Variants in PARN observed in about 807,000 individuals in gnomAD.
The protein encoded by PARN is poly(A)-specific ribonuclease PARN.
A neutral mutation model predicts 102.8 loss-of-function variants in PARN; 71 were observed. That is an observed-to-expected ratio of 0.69 (90% CI 0.57 to 0.84). The LOEUF is 0.84. Ranked by LOEUF, PARN falls within the 40% of genes least tolerant of loss-of-function variation. The pLI, the probability that PARN is intolerant of heterozygous loss-of-function variation, is 0.00. For synonymous variants in PARN, 261 were observed against 252.9 expected (o/e 1.03, Z -0.30); for missense variants, 782 against 760.9 (o/e 1.03, Z -0.33).
chr16:14,558,592 A>C (rs1413090388), intron 18 of PARN: 1 of 152,206 alleles, frequency 6.6e-6, no homozygotes, highest in Non-Finnish European at 1.5e-5. Flanking sequence ...TATACCATCA[A>C]ATATGCCAAT....
At chr16:14,445,465 T>A (rs972915709) in intron 23 of PARN, among the ~76,000 whole-genome samples, 2 of 152,232 alleles carry the variant, frequency 1.3e-5, no homozygotes, top group Non-Finnish European at 2.9e-5. Context: ...CTGCTAACCG[T>A]GACAACTGTC....
At chr16:14,623,720 C>G (rs1972464817) in intron 5 of PARN, among the ~76,000 whole-genome samples, 1 of 151,202 alleles carries the variant, frequency 6.6e-6, no homozygotes, top group African/African-American at 2.4e-5. Flanking sequence ...GCCTGTAGTC[C>G]CAGATACTCA....
chr16:14,614,501 C>G (rs1262764320), intron 6 of PARN, among the ~76,000 whole-genome samples: 1 of 152,114 alleles, frequency 6.6e-6, no homozygotes, highest in African/African-American at 2.4e-5. Context: ...CTACAGGAGT[C>G]AGCACAGAGG....
intron 22 of PARN, among the ~76,000 whole-genome samples, chr16:14,478,649 G>A (rs1007815596): frequency 4.6e-5 from 7 of 152,118 alleles, no homozygotes; most frequent in Admixed American, 3.9e-4. Flanking sequence ...TGGAAAAGAT[G>A]TAAAACTTGT....
chr16:14,484,825 A>C (rs1322688886), intron 21 of PARN, among the ~76,000 whole-genome samples: 1 of 151,680 alleles, frequency 6.6e-6, no homozygotes, highest in Non-Finnish European at 1.5e-5. Context: ...ACAGGAAAAA[A>C]CTCTACTTCT....
At chr16:14,555,551 T>C (rs773915037) in intron 19 of PARN, 103 bp downstream of exon 19, 4 of 529,276 alleles carry the variant, frequency 7.6e-6, no homozygotes, top group Admixed American at 3.8e-5. Context: ...ACAGCCCAAT[T>C]TTGAGTGAAA....
chr16:14,582,497 A>G (rs1053160587), intron 16 of PARN, among the ~76,000 whole-genome samples: 1 of 152,104 alleles, frequency 6.6e-6, no homozygotes, highest in Non-Finnish European at 1.5e-5. Context: ...AGGATACAGA[A>G]ATGCCTCAGT....
intron 21 of PARN, among the ~76,000 whole-genome samples, chr16:14,500,070 T>C (rs1166626503): frequency 1.3e-5 from 2 of 152,128 alleles, no homozygotes; most frequent in Non-Finnish European, 2.9e-5. Context: ...TCATTCTTTG[T>C]TTTTTGAGAC....
intron 5 of PARN, 51 bp from the exon 6 acceptor site, chr16:14,617,701 T>C (rs370084421): frequency 1.4e-5 from 15 of 1,043,952 alleles, no homozygotes; most frequent in South Asian, 7.6e-5. Context: ...GCGGCAGGAA[T>C]ATAAAGAGAT....
intron 18 of PARN, among the ~76,000 whole-genome samples, chr16:14,563,476 T>TTGTGTGTGTGTGTGTGTG (rs56099416): frequency 1.4e-5 from 2 of 143,756 alleles, no homozygotes; most frequent in Admixed American, 1.4e-4. Flanking sequence ...GAAAATTCCT[T>TTGTGTGTGTGTGTGTGTG]TGTGTGTGTG....
intron 22 of PARN, among the ~76,000 whole-genome samples, chr16:14,474,071 G>C (rs1300683521): frequency 6.6e-6 from 1 of 152,062 alleles, no homozygotes; most frequent in Non-Finnish European, 1.5e-5. Context: ...TGGCTCACTG[G>C]AGCCTCGACT....
At position 14,566,557 on chromosome 16, in the gene PARN, C is replaced by T. The variant is rs572127976; in HGVS notation, c.1263-10848G>A. ...TAAAACACTTGGTATTTTAAGCCAC[C>T]AAGCTTGCAGTAACTTGTCACAGCA... is the stretch of plus-strand genomic sequence containing the variant. On this transcript the variant is annotated intron_variant, in intron 18 of 23. Transcript: ENST00000437198. Among the ~76,000 whole-genome samples, 12 of 152,270 alleles carry T rather than the reference C, an allele frequency of 7.9e-5. No homozygotes were observed. The South Asian group carries it at 2.5e-3, about 32-fold the overall frequency.
In PARN at chr16:14,566,556, C is replaced by T. The variant is rs553882514; in HGVS notation, c.1263-10847G>A. 7.2e-5 allele frequency among the ~76,000 whole-genome samples: 11 copies of T among 152,302 alleles called. No individual in the cohort carries two copies. In the East Asian group the frequency reaches 2.1e-3, roughly 29 times the overall value. On this transcript the variant is annotated intron_variant, in intron 18 of 23. Coordinates refer to ENST00000437198, the MANE Select transcript of PARN (RefSeq NM_002582.4). ...CTAAAACACTTGGTATTTTAAGCCA[C>T]CAAGCTTGCAGTAACTTGTCACAGC...
At chr16:14,477,450 A>AC (rs1245065452) in intron 22 of PARN, among the ~76,000 whole-genome samples, 3 of 145,252 alleles carry the variant, frequency 2.1e-5, no homozygotes, top group African/African-American at 5.1e-5. Flanking sequence ...AAAAAAAAAA[A>AC]AAACATAACC....
intron 6 of PARN, among the ~76,000 whole-genome samples, chr16:14,616,334 T>C (rs1019375373): frequency 6.6e-6 from 1 of 152,134 alleles, no homozygotes; most frequent in African/African-American, 2.4e-5. Context: ...CAAGACACAA[T>C]CCCTTCCTCA....
At chr16:14,580,586 C>A (rs1969469817) in intron 18 of PARN, among the ~76,000 whole-genome samples, 1 of 152,082 alleles carries the variant, frequency 6.6e-6, no homozygotes, top group African/African-American at 2.4e-5. Context: ...CACACCCGGC[C>A]CCTCATAGGA....
chr16:14,614,950 C>CAGAGGA (rs1172342664), intron 6 of PARN, among the ~76,000 whole-genome samples: 1 of 149,948 alleles, frequency 6.7e-6, no homozygotes, highest in Admixed American at 6.7e-5. Context: ...ACAGCCTGGC[C>CAGAGGA]AGAGGAAGAC....
chr16:14,612,131 A>C (rs1481944660), intron 6 of PARN, among the ~76,000 whole-genome samples: 2 of 152,166 alleles, frequency 1.3e-5, no homozygotes, highest in African/African-American at 2.4e-5. Flanking sequence ...ATAAAGGGAA[A>C]GGCAAAATCA....
intron 23 of PARN, among the ~76,000 whole-genome samples, chr16:14,439,902 C>G (rs1006114622): frequency 6.6e-6 from 1 of 152,134 alleles, no homozygotes; most frequent in Admixed American, 6.5e-5. Context: ...GTAATCCCAG[C>G]TACTCAGGAG....
Sources: gnomAD v4.1 joint callset for allele counts (sites outside exome capture counted in the v4.1 genomes callset) on GRCh38, gnomAD v4.1.1 for gene constraint, MANE v1.5 for transcripts, NCBI Gene and HGNC (gene_info 2026-07-23, HGNC 2026-07-21) for gene names.